The following OR1F1 variants were observed in gnomAD, a reference collection of about 807,000 sequenced individuals.
OR1F1 encodes the protein olfactory receptor 1F1.
For missense variants in OR1F1, 493 were observed against 376.3 expected (o/e 1.31, Z -2.57); for synonymous variants, 184 against 156.7 (o/e 1.17, Z -1.30).
upstream of OR1F1, chr16:3,204,095 G>T: frequency 1.6e-6 from 1 of 630,482 alleles, no homozygotes; most frequent in Non-Finnish European, 2.8e-6. Flanking sequence ...CCTGAACATA[G>T]CAGTAGCAGC....
At chr16:3,192,451 A>G in the OR1F1 span, among the ~76,000 whole-genome samples, 1 of 152,200 alleles carries the variant, frequency 6.6e-6, no homozygotes, top group African/African-American at 2.4e-5. Flanking sequence ...TAAAATATAA[A>G]GTTACTGGGG....
chr16:3,196,119 C>T, the OR1F1 span, among the ~76,000 whole-genome samples: 1 of 152,254 alleles, frequency 6.6e-6, no homozygotes, highest in South Asian at 2.1e-4. Flanking sequence ...AAGTGGTGAG[C>T]ACACACTCCA....
the OR1F1 span, among the ~76,000 whole-genome samples, chr16:3,197,765 A>G: frequency 0.32 from 6,270 of 19,740 alleles, 1,031 homozygotes; most frequent in African/African-American, 0.48. Flanking sequence ...GAGAAGGAGA[A>G]AGAGAGGGAG....
At chr16:3,196,676 C>A in the OR1F1 span, among the ~76,000 whole-genome samples, 1 of 151,520 alleles carries the variant, frequency 6.6e-6, no homozygotes, top group Non-Finnish European at 1.5e-5. Flanking sequence ...ATGTAAGCCA[C>A]CACGACTGGC....
the OR1F1 span, among the ~76,000 whole-genome samples, chr16:3,193,903 G>A: frequency 2.0e-5 from 3 of 152,124 alleles, no homozygotes; most frequent in African/African-American, 7.2e-5. Flanking sequence ...ATTCTCAGTA[G>A]GGCACGTGGT....
chr16:3,205,377 G>T (rs1037966839), downstream of OR1F1, among the ~76,000 whole-genome samples: 1 of 152,070 alleles, frequency 6.6e-6, no homozygotes, highest in Non-Finnish European at 1.5e-5. Flanking sequence ...GTGCAGTGCC[G>T]TGATCTTGGC....
chr16:3,197,174 C>T, the OR1F1 span, among the ~76,000 whole-genome samples: 1 of 143,440 alleles, frequency 7.0e-6, no homozygotes, highest in Non-Finnish European at 1.5e-5. Context: ...TCACACCTGG[C>T]ATTTTTTTTT....
the OR1F1 span, among the ~76,000 whole-genome samples, chr16:3,195,848 G>A: frequency 6.6e-6 from 1 of 152,178 alleles, no homozygotes; most frequent in Non-Finnish European, 1.5e-5. Context: ...ATTGGGCAAT[G>A]TGGCCCCCAG....
chr16:3,205,596 A>C (rs942116751), downstream of OR1F1, among the ~76,000 whole-genome samples: 15 of 152,068 alleles, frequency 9.9e-5, no homozygotes, highest in Non-Finnish European at 2.1e-4. Context: ...AGAGGAACAT[A>C]AATTGTGAAG....
chr16:3,202,232 T>A (rs1440361606), upstream of OR1F1, among the ~76,000 whole-genome samples: 1 of 152,198 alleles, frequency 6.6e-6, no homozygotes, highest in Non-Finnish European at 1.5e-5. Context: ...GGAGCCACTG[T>A]TGGACATCTT....
upstream of OR1F1, among the ~76,000 whole-genome samples, chr16:3,203,035 T>A (rs1349284651): frequency 6.6e-6 from 1 of 152,188 alleles, no homozygotes; most frequent in African/African-American, 2.4e-5. Context: ...GGGGATAAAA[T>A]ACAGGGTCGT....
chr16:3,198,171 CAGAG>C, the OR1F1 span, among the ~76,000 whole-genome samples: 2 of 131,120 alleles, frequency 1.5e-5, no homozygotes, highest in Non-Finnish European at 3.3e-5. Flanking sequence ...GAGAGAGAGA[CAGAG>C]AGAGAGATTA....
At chr16:3,198,577 C>T in the OR1F1 span, among the ~76,000 whole-genome samples, 1 of 152,158 alleles carries the variant, frequency 6.6e-6, no homozygotes. Flanking sequence ...CTGATGGTGG[C>T]AGCTGGCAGG....
the OR1F1 span, among the ~76,000 whole-genome samples, chr16:3,194,459 T>C: frequency 1.3e-5 from 2 of 152,196 alleles, no homozygotes; most frequent in Non-Finnish European, 2.9e-5. Flanking sequence ...ATGAATTGAA[T>C]ACAGTTTGTT....
chr16:3,204,466 TC>T lies in OR1F1; in HGVS notation c.222del (p.Phe75SerfsTer41). On this transcript the variant is annotated frameshift_variant, in exon 1 of 1. Coordinates refer to ENST00000304646, the Ensembl canonical transcript of OR1F1. LOFTEE classifies it low-confidence loss of function (END_TRUNC). ...CCTGTCTTTTGTGGACATCTGCTTC[TC>T]CTTCACCACCGTCCCCAAGATGCTG... The T allele has an allele frequency of 6.2e-7, 1 of 1,614,098 alleles. No homozygotes were observed. The highest frequency in any genetic ancestry group is 8.5e-7 in the Non-Finnish European group (1 of 1,180,020).
chr16:3,196,457 C>T, the OR1F1 span, among the ~76,000 whole-genome samples: 1 of 151,736 alleles, frequency 6.6e-6, no homozygotes, highest in Non-Finnish European at 1.5e-5. Flanking sequence ...GATTACAGCT[C>T]ACTGCATCCT....
chr16:3,204,255 G>T lies in OR1F1; in HGVS notation c.9G>T (p.Gly3=), dbSNP rs754597516. Reference sequence around the variant, plus strand: ...TCCAGGATCCCAGGCCCATGAGCGGGACAAACCAGTCGAGTGTCTCCGAGT... The same window carrying T: ...TCCAGGATCCCAGGCCCATGAGCGGTACAAACCAGTCGAGTGTCTCCGAGT... The change falls in exon 1 of 1, where the codon GGG becomes GGT. Residue 3 remains glycine, a synonymous_variant. Coordinates refer to ENST00000304646, the Ensembl canonical transcript of OR1F1. The T allele has an allele frequency of 1.9e-6, 3 of 1,605,312 alleles. No homozygotes were observed. The African/African-American group carries it at 4.0e-5, about 21-fold the overall frequency.
chr16:3,204,647 C>A (rs1958180332), exon 1 of OR1F1: 2 of 1,614,070 alleles, frequency 1.2e-6, no homozygotes, highest in Non-Finnish European at 1.7e-6. Context: ...CATTACACAG[C>A]AAAGATGACC....
the OR1F1 span, among the ~76,000 whole-genome samples, chr16:3,188,647 C>T: frequency 6.6e-6 from 1 of 151,956 alleles, no homozygotes; most frequent in Non-Finnish European, 1.5e-5. Flanking sequence ...GCCCTTGTCC[C>T]CACCCCCAGA....
Sources: allele counts gnomAD v4.1 joint callset (sites outside exome capture counted in the v4.1 genomes callset), GRCh38; gene constraint gnomAD v4.1.1; transcripts MANE v1.5; gene names NCBI Gene and HGNC (gene_info 2026-07-23, HGNC 2026-07-21).